The following ROBO1 variants were observed in gnomAD, a reference collection of about 807,000 sequenced individuals.
ROBO1 encodes roundabout guidance receptor 1, also known as roundabout homolog 1.
Under a neutral mutation model 195.9 loss-of-function variants are expected in ROBO1, and 149 were observed. That is an observed-to-expected ratio of 0.76 (90% CI 0.67 to 0.87). The LOEUF (loss-of-function observed/expected upper bound fraction) is 0.87, where lower values mean the gene tolerates loss of function less well. ROBO1 is among the 40% of genes least tolerant of loss of function. The pLI, the probability that ROBO1 is intolerant of heterozygous loss-of-function variation, is 0.00. For missense variants in ROBO1, 1,933 were observed against 2,068.3 expected (o/e 0.93, Z 1.27); for synonymous variants, 816 against 733.2 (o/e 1.11, Z -1.82).
At chr3:79,117,380 CA>C (rs1006297506) in intron 3 of ROBO1, among the ~76,000 whole-genome samples, 68 of 140,100 alleles carry the variant, frequency 4.9e-4, no homozygotes, top group Middle Eastern at 7.2e-3. Context: ...AAAACAAAAA[CA>C]AAAAAAAAAA....
At chr3:78,721,759 A>G (rs1435926211) in intron 5 of ROBO1, among the ~76,000 whole-genome samples, 4 of 152,232 alleles carry the variant, frequency 2.6e-5, no homozygotes, top group African/African-American at 9.6e-5. Context: ...CAGCTTCAGT[A>G]TAATACAGTA....
At chr3:79,670,444 G>A (rs1449372344) in intron 1 of ROBO1, among the ~76,000 whole-genome samples, 2 of 151,796 alleles carry the variant, frequency 1.3e-5, no homozygotes, top group Non-Finnish European at 1.5e-5. Flanking sequence ...ATTTAAACAA[G>A]TATAACAGTT....
chr3:78,832,795 C>T (rs552806921), intron 4 of ROBO1, among the ~76,000 whole-genome samples: 11 of 152,130 alleles, frequency 7.2e-5, no homozygotes, highest in Non-Finnish European at 1.3e-4. Flanking sequence ...TTGAGGATAA[C>T]AGTGAAAAGT....
At chr3:79,585,838 C>T (rs961090710) in intron 2 of ROBO1, among the ~76,000 whole-genome samples, 2 of 151,960 alleles carry the variant, frequency 1.3e-5, no homozygotes, top group African/African-American at 4.8e-5. Context: ...AAATAATTGA[C>T]TACTTTCTAA....
At chr3:78,755,341 G>T (rs1341963200) in intron 4 of ROBO1, among the ~76,000 whole-genome samples, 5 of 152,256 alleles carry the variant, frequency 3.3e-5, no homozygotes, top group Admixed American at 2.6e-4. Context: ...AGGCATGGTG[G>T]TGCTCACCAG....
intron 2 of ROBO1, among the ~76,000 whole-genome samples, chr3:79,353,299 AATAG>A (rs2035416119): frequency 1.3e-5 from 2 of 152,146 alleles, no homozygotes; most frequent in Non-Finnish European, 2.9e-5. Flanking sequence ...GAAATGCTAT[AATAG>A]ATATATGATT....
intron 2 of ROBO1, among the ~76,000 whole-genome samples, chr3:79,443,912 A>G (rs2039145067): frequency 6.6e-6 from 1 of 152,040 alleles, no homozygotes; most frequent in African/African-American, 2.4e-5. Context: ...TGGGTATTAC[A>G]AGTCAGTGAA....
chr3:78,706,555 T>C (rs1275757198), intron 8 of ROBO1, among the ~76,000 whole-genome samples: 2 of 152,162 alleles, frequency 1.3e-5, no homozygotes, highest in Non-Finnish European at 2.9e-5. Context: ...TTGCTTAGGC[T>C]GGTCTCGAAC....
chr3:79,319,931 T>G (rs2033903620), intron 2 of ROBO1, among the ~76,000 whole-genome samples: 1 of 152,166 alleles, frequency 6.6e-6, no homozygotes. Context: ...TAAGGTAATA[T>G]TAAATAACTT....
intron 14 of ROBO1, among the ~76,000 whole-genome samples, chr3:78,666,980 T>G (rs183297615): frequency 6.6e-6 from 1 of 152,256 alleles, no homozygotes; most frequent in Non-Finnish European, 1.5e-5. Context: ...CCTCTAGAAT[T>G]ACCTTTCTTT....
At chr3:79,659,062 A>G (rs2106809817) in intron 1 of ROBO1, among the ~76,000 whole-genome samples, 1 of 152,148 alleles carries the variant, frequency 6.6e-6, no homozygotes, top group South Asian at 2.1e-4. Context: ...AACATGTTCA[A>G]TTAACGTAGC....
intron 4 of ROBO1, among the ~76,000 whole-genome samples, chr3:78,851,607 C>A (rs1388331551): frequency 3.3e-5 from 5 of 152,126 alleles, no homozygotes; most frequent in Non-Finnish European, 5.9e-5. Flanking sequence ...TAATAATTCT[C>A]ACAGATAAAC....
chr3:78,784,839 G>C (rs1302204238), intron 4 of ROBO1, among the ~76,000 whole-genome samples: 1 of 152,060 alleles, frequency 6.6e-6, no homozygotes, highest in Non-Finnish European at 1.5e-5. Context: ...CAATAACTTA[G>C]AAAAGTTTTC....
intron 2 of ROBO1, among the ~76,000 whole-genome samples, chr3:79,531,793 A>G (rs1287293114): frequency 6.6e-6 from 1 of 152,180 alleles, no homozygotes; most frequent in East Asian, 1.9e-4. Context: ...TATTTGCTTT[A>G]AGGATGACAC....
intron 3 of ROBO1, among the ~76,000 whole-genome samples, chr3:78,996,344 A>C (rs2077365848): frequency 6.7e-6 from 1 of 149,476 alleles, no homozygotes; most frequent in African/African-American, 2.5e-5. Context: ...AAAAAACAAA[A>C]AAAAAAAACT....
chr3:79,447,855 T>C (rs1315081774), intron 2 of ROBO1, among the ~76,000 whole-genome samples: 1 of 152,086 alleles, frequency 6.6e-6, no homozygotes, highest in Non-Finnish European at 1.5e-5. Flanking sequence ...TGTAAAAGAA[T>C]TTACGTGGGT....
At chr3:79,738,505 A>G (rs1036028281) in intron 1 of ROBO1, among the ~76,000 whole-genome samples, 1 of 152,086 alleles carries the variant, frequency 6.6e-6, no homozygotes, top group African/African-American at 2.4e-5. Flanking sequence ...AGAAAATAAT[A>G]AAAAGTCTGT....
chr3:79,434,678 A>C lies in ROBO1; in HGVS notation c.88+155146T>G, dbSNP rs111709238. On this transcript the variant is annotated intron_variant, in intron 2 of 30. Coordinates refer to ENST00000464233, the MANE Select transcript of ROBO1 (RefSeq NM_002941.4). ...GGCGATTCCTCAAGGATCTAGATCTATTAATACCATTTGACCCAGCCATCC... is the reference window on the plus strand; with the variant it reads ...GGCGATTCCTCAAGGATCTAGATCTCTTAATACCATTTGACCCAGCCATCC... Among the ~76,000 whole-genome samples the C allele has an allele frequency of 9.8e-5, 15 of 152,312 alleles. No individual in the cohort carries two copies. The East Asian group carries it at 2.7e-3, about 27-fold the overall frequency.
chr3:78,746,268 T>C (rs2108280554), intron 5 of ROBO1, among the ~76,000 whole-genome samples: 1 of 152,264 alleles, frequency 6.6e-6, no homozygotes, highest in Admixed American at 6.5e-5. Flanking sequence ...TAACCACCTT[T>C]CAAAATAAGA....
Sources: gnomAD v4.1 joint callset for allele counts (sites outside exome capture counted in the v4.1 genomes callset) on GRCh38, gnomAD v4.1.1 for gene constraint, MANE v1.5 for transcripts, NCBI Gene and HGNC (gene_info 2026-07-23, HGNC 2026-07-21) for gene names.